PRTN3: variants seen among roughly 807,000 people sequenced by gnomAD.
The protein encoded by PRTN3 is proteinase 3, also known as myeloblastin.
A neutral mutation model predicts 20.7 loss-of-function variants in PRTN3; 22 were observed. The observed-to-expected ratio is 1.06, with a 90% CI of 0.76 to 1.52. PRTN3 has a LOEUF of 1.52. Among genes scored for constraint, PRTN3 ranks in the 40% most tolerant of loss-of-function variants. The pLI, the probability that PRTN3 is intolerant of heterozygous loss-of-function variation, is 0.00. For synonymous variants in PRTN3, 173 were observed against 152.9 expected (o/e 1.13, Z -0.97); for missense variants, 378 against 359.6 (o/e 1.05, Z -0.41).
At position 844,047 on chromosome 19, in the gene PRTN3, GGCC is replaced by G. The variant is rs1214963816; in HGVS notation, c.369+16_369+18del. On this transcript the variant is annotated intron_variant, in intron 3 of 4. Transcript: ENST00000234347. The stretch of plus-strand genomic sequence containing the variant: ...TCTCCTCATCCAGGTGGGCGGGCAG[GGCC>G]GCGAGGGCTCGGAGGGGCACGGCCA... 1 of 1,595,032 alleles carries G rather than the reference GGCC, an allele frequency of 6.3e-7. No individual in the cohort carries two copies. Among genetic ancestry groups the G allele is most frequent in the Non-Finnish European group, 8.5e-7 (1 of 1,171,206 alleles).
At position 846,299 on chromosome 19, in the gene PRTN3, TGTCACCGTG is replaced by T. The variant is rs1340386997; in HGVS notation, c.529_537del (p.Val177_Thr179del). On this transcript the variant is annotated inframe_deletion, in exon 4 of 5. Coordinates refer to ENST00000234347, the MANE Select transcript of PRTN3 (RefSeq NM_002777.4). ...CAGCCCAGGTCCTGCAGGAGCTCAA[TGTCACCGTG>T]GTCACCTTCTTCTGCCGGCCACATA... 1 of 1,593,792 alleles carries T rather than the reference TGTCACCGTG, an allele frequency of 6.3e-7. No individual in the cohort carries two copies. Among genetic ancestry groups the T allele is most frequent in the Non-Finnish European group, 8.5e-7 (1 of 1,170,778 alleles).
chr19:841,041 G>A lies in PRTN3; in HGVS notation c.33G>A (p.Ala11=), dbSNP rs777853515. 66 of 1,608,062 alleles carry A rather than the reference G, an allele frequency of 4.1e-5. No individual in the cohort carries two copies. Among genetic ancestry groups the A allele is most frequent in the Middle Eastern group, 1.6e-4 (1 of 6,080 alleles). MAHRPPSPAL[A]SVLLALLLSG... ...ACCGGCCCCCCAGCCCTGCCCTGGC[G>A]TCCGTGCTGCTGGCCTTGCTGCTGA... The change falls in exon 1 of 5, where the codon GCG becomes GCA. Residue 11 remains alanine, a synonymous_variant. Coordinates refer to ENST00000234347, the MANE Select transcript of PRTN3 (RefSeq NM_002777.4).
chr19:845,321 A>T (rs894110503), intron 3 of PRTN3, among the ~76,000 whole-genome samples: 2 of 152,020 alleles, frequency 1.3e-5, no homozygotes, highest in Non-Finnish European at 2.9e-5. Context: ...AGATGGGAGG[A>T]TCACTTGAGC....
chr19:843,879 C>T lies in PRTN3; in HGVS notation c.228-14C>T. 11 of 1,577,926 alleles carry T rather than the reference C, an allele frequency of 7.0e-6. No individual in the cohort carries two copies. The highest frequency in any genetic ancestry group is 9.5e-6 in the Non-Finnish European group (11 of 1,163,874). On this transcript the variant is annotated splice_polypyrimidine_tract_variant and intron_variant, in intron 2 of 4. Transcript: ENST00000234347. ...TGTCCAGGGCGCCGAGGAGTGACCA[C>T]CCCACCCCCGCAGACCCCAGCGCCT...
In PRTN3 at chr19:843,917, G is replaced by T; in HGVS notation, c.252G>T (p.Val84=). Residue 84 remains valine, a synonymous_variant, in exon 3 of 5, where the codon GTG becomes GTT. Coordinates refer to ENST00000234347, the MANE Select transcript of PRTN3 (RefSeq NM_002777.4). ...GACCCCAGCGCCTGGTGAACGTGGT[G>T]CTCGGAGCCCACAACGTGCGGACGC... ...RDIPQRLVNV[V]LGAHNVRTQE... 6.3e-7 allele frequency: 1 copy of T among 1,596,232 alleles called. No individual in the cohort carries two copies. Among genetic ancestry groups the T allele is most frequent in the South Asian group, 1.1e-5 (1 of 87,648 alleles).
At chr19:845,105 G>A (rs1235250175) in intron 3 of PRTN3, among the ~76,000 whole-genome samples, 1 of 151,862 alleles carries the variant, frequency 6.6e-6, no homozygotes, top group Non-Finnish European at 1.5e-5. Context: ...GCACCAACAC[G>A]CTTGGCTAAT....
At chr19:845,464 C>T (rs2035504084) in intron 3 of PRTN3, among the ~76,000 whole-genome samples, 1 of 151,862 alleles carries the variant, frequency 6.6e-6, no homozygotes, top group Non-Finnish European at 1.5e-5. Flanking sequence ...GCTGTAATCC[C>T]AGCACTTTGG....
chr19:843,876 C>G lies in PRTN3; in HGVS notation c.228-17C>G. 1 of 1,574,744 alleles carries G rather than the reference C, an allele frequency of 6.4e-7. No individual in the cohort carries two copies. The highest frequency in any genetic ancestry group is 8.6e-7 in the Non-Finnish European group (1 of 1,162,440). On this transcript the variant is annotated splice_polypyrimidine_tract_variant and intron_variant, in intron 2 of 4. Coordinates refer to ENST00000234347, the MANE Select transcript of PRTN3 (RefSeq NM_002777.4). ...GAGTGTCCAGGGCGCCGAGGAGTGA[C>G]CACCCCACCCCCGCAGACCCCAGCG... is the stretch of plus-strand genomic sequence containing the variant.
rs113208030 is a variant in PRTN3, at chr19:848,072, G to A, written c.*103G>A. The A allele has an allele frequency of 4.8e-3, 6,748 of 1,403,212 alleles. 225 individuals are homozygous for A. The African/African-American group carries it at 0.079, about 16-fold the overall frequency. 86.9% of individuals were successfully genotyped at this position (1,403,212 alleles called of 1,614,324 possible). ...CTCTTCCCCGAACACTGTGGCGTCC[G>A]GGACGGCCCCACCCGTCCCCCCACA... On this transcript the variant is annotated 3_prime_UTR_variant, in exon 5 of 5. Transcript: ENST00000234347.
In PRTN3 at chr19:845,905, C is replaced by T. The variant is rs142753178; in HGVS notation, c.370-242C>T. Among the ~76,000 whole-genome samples, 452 of 151,872 alleles carry T rather than the reference C, an allele frequency of 3.0e-3. 1 individual carries two copies. Among genetic ancestry groups the T allele is most frequent in the African/African-American group, 0.01 (433 of 41,396 alleles). On this transcript the variant is annotated intron_variant, in intron 3 of 4. Transcript: ENST00000234347. ...GGGAGGTTCCAGTGAGCCGAGATCACGCCACTGCATTCCAGCCTGGGTGGC... is the reference window on the plus strand; with the variant it reads ...GGGAGGTTCCAGTGAGCCGAGATCATGCCACTGCATTCCAGCCTGGGTGGC...
At chr19:842,267 T>C (rs1469835063) in intron 1 of PRTN3, among the ~76,000 whole-genome samples, 1 of 150,984 alleles carries the variant, frequency 6.6e-6, no homozygotes, top group African/African-American at 2.4e-5. Context: ...CTGAGGGGGA[T>C]TTTCAATGCC....
At chr19:847,521 AAG>A (rs1555707972) in intron 4 of PRTN3, among the ~76,000 whole-genome samples, 3 of 139,638 alleles carry the variant, frequency 2.1e-5, no homozygotes, top group Non-Finnish European at 4.8e-5. Context: ...AAGAAAGAAA[AAG>A]AGAGAAAGAA....
chr19:846,033 G>A, intron 3 of PRTN3, 114 bp from the exon 4 acceptor site: 2 of 661,494 alleles, frequency 3.0e-6, no homozygotes, highest in Non-Finnish European at 4.8e-6. Context: ...GGCGGAGGGA[G>A]CGGCATCCGC....
rs758584067 is a variant in PRTN3 at position 841,110 on chromosome 19, C to T, written c.61+41C>T. On this transcript the variant is annotated intron_variant, in intron 1 of 4. Coordinates refer to ENST00000234347, the MANE Select transcript of PRTN3 (RefSeq NM_002777.4). ...GCCCATCCATCCAGCCTCCAGGCCCCGGTGGATTGTGGGGAAATATCCACC... is the reference window on the plus strand; with the variant it reads ...GCCCATCCATCCAGCCTCCAGGCCCTGGTGGATTGTGGGGAAATATCCACC... 13 of 1,592,916 alleles carry T rather than the reference C, an allele frequency of 8.2e-6. No individual in the cohort carries two copies. The East Asian group carries it at 1.3e-4, about 16-fold the overall frequency.
intron 1 of PRTN3, 55 bp from the exon 2 acceptor site, chr19:843,405 TC>T (rs2035469279): frequency 4.1e-6 from 6 of 1,472,686 alleles, no homozygotes; most frequent in Non-Finnish European, 4.5e-6. Context: ...TGCTCTGCCA[TC>T]CCCCCTTTCC....
chr19:840,999 G>A lies in PRTN3; in HGVS notation c.-10G>A, dbSNP rs1255352201. 2 of 1,609,170 alleles carry A rather than the reference G, an allele frequency of 1.2e-6. No homozygotes were observed. The highest frequency in any genetic ancestry group is 1.7e-6 in the Non-Finnish European group (2 of 1,179,442). On this transcript the variant is annotated 5_prime_UTR_variant, in exon 1 of 5. Coordinates refer to ENST00000234347, the MANE Select transcript of PRTN3 (RefSeq NM_002777.4). ...AGGAGCTTGACCGTGGGTGCACCCT[G>A]GACCCCACCATGGCTCACCGGCCCC...
Position 843,878 on chromosome 19 carries a change from AC to A in PRTN3, c.228-11del, listed in dbSNP as rs1254149411. ...GTGTCCAGGGCGCCGAGGAGTGACCACCCCACCCCCGCAGACCCCAGCGCCT... is the reference window on the plus strand; with the variant it reads ...GTGTCCAGGGCGCCGAGGAGTGACCACCCACCCCCGCAGACCCCAGCGCCT... On this transcript the variant is annotated splice_polypyrimidine_tract_variant and intron_variant, in intron 2 of 4. Transcript: ENST00000234347. 8 of 1,573,026 alleles carry A rather than the reference AC, an allele frequency of 5.1e-6. No individual in the cohort carries two copies. Among genetic ancestry groups the A allele is most frequent in the South Asian group, 1.2e-5 (1 of 86,130 alleles).
chr19:844,510 C>A lies in PRTN3; in HGVS notation c.369+476C>A, dbSNP rs958503358. Among the ~76,000 whole-genome samples, 122 of 125,602 alleles carry A rather than the reference C, an allele frequency of 9.7e-4. 1 individual carries two copies. The highest frequency in any genetic ancestry group is 3.7e-3 in the African/African-American group (118 of 31,786). 82.4% of individuals were successfully genotyped at this position (125,602 alleles called of 152,430 possible). On this transcript the variant is annotated intron_variant, in intron 3 of 4. Coordinates refer to ENST00000234347, the MANE Select transcript of PRTN3 (RefSeq NM_002777.4). ...CGCGCCTCTCCCCTGCGCGCCTCTC[C>A]CCTGCCTGCCCCTCTCCCCTGCCTG...
intron 4 of PRTN3, among the ~76,000 whole-genome samples, chr19:846,652 C>T (rs1406356637): frequency 6.6e-6 from 1 of 152,228 alleles, no homozygotes; most frequent in African/African-American, 2.4e-5. Context: ...CCCTCACCGG[C>T]GGCCCCTTCC....
Sources: allele counts gnomAD v4.1 joint callset (sites outside exome capture counted in the v4.1 genomes callset), GRCh38; gene constraint gnomAD v4.1.1; transcripts MANE v1.5; gene names NCBI Gene and HGNC (gene_info 2026-07-23, HGNC 2026-07-21).